Variants in ME1 observed in about 807,000 individuals in gnomAD.
ME1 encodes malic enzyme 1, also known as NADP-dependent malic enzyme.
A neutral mutation model predicts 66.4 loss-of-function variants in ME1; 74 were observed. That is an observed-to-expected ratio of 1.11 (90% CI 0.92 to 1.35). The LOEUF is 1.35. Ranked by LOEUF, ME1 falls within the 40% of genes most tolerant of loss-of-function variation. The pLI, the probability that ME1 is intolerant of heterozygous loss-of-function variation, is 0.00. For synonymous variants in ME1, 251 were observed against 235.6 expected, an observed-to-expected ratio of 1.07 and a Z score of -0.60; for missense variants, 750 against 694.1, an observed-to-expected ratio of 1.08 and a Z score of -0.90.
At chr6:83,428,638 G>C (rs1458165549) in intron 1 of ME1, among the ~76,000 whole-genome samples, 1 of 152,144 alleles carries the variant, frequency 6.6e-6, no homozygotes, top group Non-Finnish European at 1.5e-5. Flanking sequence ...TAGAGGTCTT[G>C]AATGTATGAC....
intron 11 of ME1, among the ~76,000 whole-genome samples, chr6:83,224,820 T>G (rs1187582994): frequency 6.6e-6 from 1 of 152,002 alleles, no homozygotes; most frequent in African/African-American, 2.4e-5. Context: ...AAGTTATCAA[T>G]ATTTTTCAAC....
At chr6:83,272,547 A>G (rs1767102373) in intron 6 of ME1, among the ~76,000 whole-genome samples, 1 of 152,178 alleles carries the variant, frequency 6.6e-6, no homozygotes, top group Non-Finnish European at 1.5e-5. Context: ...GGAGACTCAC[A>G]TATTATGCTT....
chr6:83,420,423 A>G (rs190229603), intron 1 of ME1, among the ~76,000 whole-genome samples: 2 of 152,342 alleles, frequency 1.3e-5, no homozygotes, highest in Admixed American at 1.3e-4. Flanking sequence ...GTGATCCTGA[A>G]GATGACAGAG....
intron 3 of ME1, among the ~76,000 whole-genome samples, chr6:83,366,764 CAA>C (rs1224372028): frequency 3.3e-5 from 5 of 152,122 alleles, no homozygotes; most frequent in Non-Finnish European, 5.9e-5. Flanking sequence ...TTCCAGAAAT[CAA>C]AAGACTTCCA....
At chr6:83,322,805 A>C (rs548957606) in intron 5 of ME1, among the ~76,000 whole-genome samples, 1 of 152,322 alleles carries the variant, frequency 6.6e-6, no homozygotes, top group East Asian at 1.9e-4. Flanking sequence ...AATACAGAGA[A>C]CACCACAAAG....
At chr6:83,279,726 TG>T (rs1767255055) in intron 6 of ME1, among the ~76,000 whole-genome samples, 1 of 152,098 alleles carries the variant, frequency 6.6e-6, no homozygotes, top group Admixed American at 6.5e-5. Context: ...GAAGTAATAA[TG>T]GCTGAGAATT....
In ME1 at chr6:83,211,135, A is replaced by C. The variant is rs1789863121; in HGVS notation, c.*789T>G. 1 of 152,208 alleles carries C rather than the reference A, an allele frequency of 6.6e-6. No individual in the cohort carries two copies. The highest frequency in any genetic ancestry group is 2.4e-5 in the African/African-American group (1 of 41,460). 9.4% of individuals were successfully genotyped at this position (152,208 alleles called of 1,614,324 possible). ...CTCCTTTCAGACCTTCTCACTGCTC[A>C]GGCTGTGCTGAACTGAAGGTGCCAA... On this transcript the variant is annotated 3_prime_UTR_variant, in exon 14 of 14. Transcript: ENST00000369705.
chr6:83,237,300 GAAAA>G (rs1280926931), intron 9 of ME1, among the ~76,000 whole-genome samples: 1,341 of 52,458 alleles, frequency 0.026, 60 homozygotes, highest in Admixed American at 0.034. Context: ...AGGAAAGAAA[GAAAA>G]AGAAAGAAAG....
chr6:83,394,087 TTAAAA>T (rs1281652091), intron 3 of ME1, among the ~76,000 whole-genome samples: 3 of 151,884 alleles, frequency 2.0e-5, no homozygotes, highest in Non-Finnish European at 4.4e-5. Flanking sequence ...ATTTGTATAG[TTAAAA>T]TAATATTCTT....
chr6:83,393,453 A>G, intron 3 of ME1: 1 of 557,892 alleles, frequency 1.8e-6, no homozygotes, highest in African/African-American at 1.9e-5. Context: ...ACGGGAAGAG[A>G]GCGGCCCTCA....
chr6:83,249,202 A>C (rs1790677194), intron 7 of ME1, among the ~76,000 whole-genome samples: 2 of 152,030 alleles, frequency 1.3e-5, no homozygotes, highest in African/African-American at 4.8e-5. Context: ...TAAATACTTA[A>C]GCATGGTGAA....
chr6:83,357,935 C>CTCTCTCTCTCTATATATA (rs1447805761), intron 3 of ME1, among the ~76,000 whole-genome samples: 2 of 30,034 alleles, frequency 6.7e-5, no homozygotes, highest in African/African-American at 1.2e-4. Context: ...CTCTCTCTCT[C>CTCTCTCTCTCTATATATA]TATATATATA....
At position 83,221,874 on chromosome 6, in the gene ME1, C is replaced by T. The variant is rs1256631041; in HGVS notation, c.1449+1886G>A. 2.6e-5 allele frequency among the ~76,000 whole-genome samples: 4 copies of T among 151,922 alleles called. 1 individual carries two copies. The highest frequency in any genetic ancestry group is 9.7e-5 in the African/African-American group (4 of 41,358). The stretch of plus-strand genomic sequence containing the variant: ...GACATAATTTAGATGATATAAAAAA[C>T]AGGAATATTGTGTTGAAGCCTAAGA... On this transcript the variant is annotated intron_variant, in intron 12 of 13. Coordinates refer to ENST00000369705, the MANE Select transcript of ME1 (RefSeq NM_002395.6).
intron 3 of ME1, among the ~76,000 whole-genome samples, chr6:83,380,700 G>A (rs1489776898): frequency 1.3e-5 from 2 of 152,022 alleles, no homozygotes; most frequent in Non-Finnish European, 2.9e-5. Context: ...CTGGGGAGTG[G>A]GTAAGTGGAA....
intron 3 of ME1, among the ~76,000 whole-genome samples, chr6:83,387,017 T>G (rs1769519433): frequency 6.6e-6 from 1 of 152,146 alleles, no homozygotes; most frequent in Admixed American, 6.6e-5. Context: ...CCAAATTGAC[T>G]AAGACAGTGC....
At chr6:83,257,774 A>AT (rs1583344018) in intron 6 of ME1, among the ~76,000 whole-genome samples, 1 of 152,212 alleles carries the variant, frequency 6.6e-6, no homozygotes, top group Non-Finnish European at 1.5e-5. Context: ...ATATCAGTCA[A>AT]TAATCATGAG....
At chr6:83,387,299 A>G (rs906440752) in intron 3 of ME1, among the ~76,000 whole-genome samples, 2 of 152,180 alleles carry the variant, frequency 1.3e-5, no homozygotes, top group Admixed American at 6.5e-5. Context: ...TTGATAGTAT[A>G]ATTATAATCT....
chr6:83,322,887 T>A (rs573600179), intron 5 of ME1, among the ~76,000 whole-genome samples: 1 of 151,950 alleles, frequency 6.6e-6, no homozygotes, highest in East Asian at 1.9e-4. Flanking sequence ...AAGAAAAAAA[T>A]TTAAGGGCAG....
In ME1 at chr6:83,273,963, C is replaced by T. The variant is rs537209745; in HGVS notation, c.705-20225G>A. 3.9e-5 allele frequency among the ~76,000 whole-genome samples: 6 copies of T among 152,230 alleles called. No individual in the cohort carries two copies. The South Asian group carries it at 1.2e-3, about 32-fold the overall frequency. ...TGGAAACTGTTAAATGCTTATCTTGCTTGATTCACTATGTTTGGCCCTATT... is the reference window on the plus strand; with the variant it reads ...TGGAAACTGTTAAATGCTTATCTTGTTTGATTCACTATGTTTGGCCCTATT... On this transcript the variant is annotated intron_variant, in intron 6 of 13. Coordinates refer to ENST00000369705, the MANE Select transcript of ME1 (RefSeq NM_002395.6).
Sources: gnomAD v4.1 joint callset for allele counts (sites outside exome capture counted in the v4.1 genomes callset) on GRCh38, gnomAD v4.1.1 for gene constraint, MANE v1.5 for transcripts, NCBI Gene and HGNC (gene_info 2026-07-23, HGNC 2026-07-21) for gene names.